The following KIF6 variants were observed in gnomAD, a reference collection of about 807,000 sequenced individuals.
KIF6 encodes the protein kinesin-like protein KIF6.
KIF6 carries 106 observed loss-of-function variants against 112.7 expected under a neutral mutation model. That is an observed-to-expected ratio of 0.94 (90% CI 0.80 to 1.11). The LOEUF is 1.11. Among genes scored for constraint, KIF6 ranks in the 50% least tolerant of loss-of-function variants. The probability of loss-of-function intolerance (pLI) is 0.00; values close to 1 mark genes in which losing one functional copy is unlikely to be tolerated. For synonymous variants in KIF6, 339 were observed against 339.9 expected, an observed-to-expected ratio of 1.00 and a Z score of 0.03; for missense variants, 929 against 964.0, an observed-to-expected ratio of 0.96 and a Z score of 0.48.
At chr6:39,510,582 C>T (rs1031165414) in intron 13 of KIF6, among the ~76,000 whole-genome samples, 1 of 152,106 alleles carries the variant, frequency 6.6e-6, no homozygotes. Flanking sequence ...GTACCAGCAA[C>T]TGCAAAAACA....
intron 10 of KIF6, among the ~76,000 whole-genome samples, chr6:39,560,217 T>A (rs1287259441): frequency 6.6e-6 from 1 of 152,226 alleles, no homozygotes; most frequent in Admixed American, 6.5e-5. Flanking sequence ...TTAGGCCCAG[T>A]GCTGCTGCTC....
At chr6:39,556,579 C>T (rs991826587) in intron 10 of KIF6, among the ~76,000 whole-genome samples, 1 of 152,138 alleles carries the variant, frequency 6.6e-6, no homozygotes, top group Non-Finnish European at 1.5e-5. Context: ...AGCAGCCCCT[C>T]TGACCAGAAC....
intron 3 of KIF6, among the ~76,000 whole-genome samples, chr6:39,692,627 G>A (rs1788283259): frequency 6.6e-6 from 1 of 152,136 alleles, no homozygotes; most frequent in Admixed American, 6.5e-5. Flanking sequence ...CTAAAACTGT[G>A]ATAGAATGAT....
At chr6:39,468,765 A>G (rs1476761827) in intron 13 of KIF6, among the ~76,000 whole-genome samples, 1 of 151,616 alleles carries the variant, frequency 6.6e-6, no homozygotes, top group Non-Finnish European at 1.5e-5. Context: ...TCAATTCCAC[A>G]TGAAAAAAAA....
Position 39,353,979 on chromosome 6 carries a change from C to T in KIF6, c.2180+3298G>A, listed in dbSNP as rs1581653553. 6.5e-6 allele frequency: 3 copies of T among 460,170 alleles called. No homozygotes were observed. The East Asian group carries it at 2.2e-4, about 34-fold the overall frequency. 28.5% of individuals were successfully genotyped at this position (460,170 alleles called of 1,614,324 possible). On this transcript the variant is annotated intron_variant, in intron 19 of 22. Coordinates refer to ENST00000287152, the MANE Select transcript of KIF6 (RefSeq NM_145027.6). ...TGCTACTGAGGGCACACTGACATTG[C>T]ATGGCCTCTGTTTTCACATGGGTCC...
At chr6:39,700,945 C>T (rs750642558) in intron 3 of KIF6, among the ~76,000 whole-genome samples, 7 of 152,176 alleles carry the variant, frequency 4.6e-5, no homozygotes, top group Non-Finnish European at 1.0e-4. Flanking sequence ...GGTGATCTGC[C>T]TGCCTCAGCC....
chr6:39,419,363 A>AAAG, intron 15 of KIF6, among the ~76,000 whole-genome samples: 1 of 151,060 alleles, frequency 6.6e-6, no homozygotes, highest in East Asian at 1.9e-4. Flanking sequence ...CAAAAAAAAA[A>AAAG]AAAAAAAAAA....
chr6:39,456,584 T>A (rs2150415593), intron 13 of KIF6, among the ~76,000 whole-genome samples: 1 of 122,122 alleles, frequency 8.2e-6, no homozygotes. Context: ...GCAAGTTGGA[T>A]AAAGAGTCAA....
At chr6:39,412,056 G>T (rs1464857693) in intron 15 of KIF6, among the ~76,000 whole-genome samples, 1 of 152,118 alleles carries the variant, frequency 6.6e-6, no homozygotes, top group African/African-American at 2.4e-5. Flanking sequence ...CAGGACTCTT[G>T]GAAGGTAGCC....
intron 3 of KIF6, among the ~76,000 whole-genome samples, chr6:39,646,918 T>C (rs1785198684): frequency 6.6e-6 from 1 of 152,186 alleles, no homozygotes; most frequent in South Asian, 2.1e-4. Flanking sequence ...TTCTGTCTAC[T>C]GTAACCCTCT....
Position 39,343,822 on chromosome 6 carries a change from G to A in KIF6, c.2322-7C>T. 2.6e-6 allele frequency: 4 copies of A among 1,541,002 alleles called. No individual in the cohort carries two copies. The highest frequency in any genetic ancestry group is 1.8e-6 in the Non-Finnish European group (2 of 1,127,508). The stretch of plus-strand genomic sequence containing the variant: ...CACTGGCCTCTTGGGGATGCTGGAG[G>A]CAACCACGTGTCACATTTTACTACA... On this transcript the variant is annotated splice_polypyrimidine_tract_variant and splice_region_variant and intron_variant, in intron 21 of 22. Transcript: ENST00000287152. This position sits in a 1 kb window ranked among gnomAD's most constrained non-coding sequence, Gnocchi z 4.1.
intron 16 of KIF6, among the ~76,000 whole-genome samples, chr6:39,370,263 A>G (rs1461064369): frequency 6.6e-6 from 1 of 152,186 alleles, no homozygotes; most frequent in Non-Finnish European, 1.5e-5. Context: ...TGTTCTCAGG[A>G]TGCATATGAT....
chr6:39,450,769 C>A (rs770601076), intron 13 of KIF6, among the ~76,000 whole-genome samples: 2 of 152,184 alleles, frequency 1.3e-5, no homozygotes, highest in East Asian at 3.8e-4. Flanking sequence ...CGCACCACTG[C>A]ACTCCAGCCT....
intron 9 of KIF6, among the ~76,000 whole-genome samples, chr6:39,581,187 C>G: frequency 1.1e-5 from 1 of 94,510 alleles, no homozygotes; most frequent in Non-Finnish European, 2.0e-5. Flanking sequence ...TTTTTTTTGA[C>G]ACAGAGTTTT....
At chr6:39,349,963 G>A (rs112958846) in intron 19 of KIF6, among the ~76,000 whole-genome samples, 12,290 of 152,118 alleles carry the variant, frequency 0.081, 847 homozygotes, top group African/African-American at 0.18. Context: ...GGCTCTTTGT[G>A]TTATTAACTA....
chr6:39,435,863 C>T (rs1423736676), intron 13 of KIF6, among the ~76,000 whole-genome samples: 4 of 152,002 alleles, frequency 2.6e-5, no homozygotes, highest in African/African-American at 9.7e-5. Context: ...ACTTGTTTTC[C>T]TTTGGGGAGA....
At chr6:39,473,475 C>A (rs985247861) in intron 13 of KIF6, among the ~76,000 whole-genome samples, 2 of 152,048 alleles carry the variant, frequency 1.3e-5, no homozygotes, top group African/African-American at 2.4e-5. Context: ...CTGCTGCTAA[C>A]CTGAGGATAT....
intron 3 of KIF6, among the ~76,000 whole-genome samples, chr6:39,643,341 T>G (rs967042217): frequency 1.3e-5 from 2 of 152,128 alleles, no homozygotes; most frequent in Non-Finnish European, 2.9e-5. Flanking sequence ...ATACAGAAAG[T>G]CAAGGGACAC....
intron 12 of KIF6, among the ~76,000 whole-genome samples, chr6:39,543,076 A>C (rs901158709): frequency 6.6e-5 from 10 of 152,330 alleles, no homozygotes; most frequent in African/African-American, 2.2e-4. Flanking sequence ...TCTTTTAAAA[A>C]TAAACATATA....
Sources: allele counts gnomAD v4.1 joint callset (sites outside exome capture counted in the v4.1 genomes callset), GRCh38; gene constraint gnomAD v4.1.1; non-coding constraint Gnocchi (gnomAD v3.1); transcripts MANE v1.5; gene names NCBI Gene and HGNC (gene_info 2026-07-23, HGNC 2026-07-21).